The following USP32 variants were observed in gnomAD, a reference collection of about 807,000 sequenced individuals.
USP32 encodes the protein ubiquitin carboxyl-terminal hydrolase 32.
Under a neutral mutation model 204.8 loss-of-function variants are expected in USP32, and 59 were observed. The ratio of observed to expected loss-of-function variants is 0.29; its 90% CI spans 0.23 to 0.36. The LOEUF is 0.36. USP32 is among the 10% of genes least tolerant of loss of function. The pLI is 1.00. For missense variants in USP32, 1,160 were observed against 1,946.4 expected, an observed-to-expected ratio of 0.60 and a Z score of 7.60; for synonymous variants, 517 against 678.4, an observed-to-expected ratio of 0.76 and a Z score of 3.70.
intron 28 of USP32, among the ~76,000 whole-genome samples, chr17:60,192,089 G>GT (rs1213652443): frequency 6.6e-6 from 1 of 151,928 alleles, no homozygotes; most frequent in African/African-American, 2.4e-5. Flanking sequence ...GAGGTCAGGA[G>GT]TTTGAGACCA....
At chr17:60,198,628 T>C (rs574369665) in intron 26 of USP32, among the ~76,000 whole-genome samples, 184 bp from the exon 27 acceptor site, 4 of 152,334 alleles carry the variant, frequency 2.6e-5, no homozygotes, top group African/African-American at 9.6e-5. Context: ...AGTGGAGTCA[T>C]TAAAGGGGCT....
At chr17:60,227,418 T>C (rs2145593495) in intron 12 of USP32, among the ~76,000 whole-genome samples, 1 of 151,884 alleles carries the variant, frequency 6.6e-6, no homozygotes, top group South Asian at 2.1e-4. Flanking sequence ...TACAGGTGCA[T>C]GCCACCAAGC....
chr17:60,322,469 T>C (rs2145943550), intron 2 of USP32, among the ~76,000 whole-genome samples: 1 of 152,322 alleles, frequency 6.6e-6, no homozygotes, highest in East Asian at 1.9e-4. Context: ...AAAAATTTAT[T>C]TATACAAAAT....
chr17:60,350,606 T>A (rs1198091290), intron 1 of USP32, among the ~76,000 whole-genome samples: 2 of 152,136 alleles, frequency 1.3e-5, no homozygotes, highest in African/African-American at 4.8e-5. Context: ...GGTAAATTTT[T>A]TAAATAAGAA....
rs111525421 is a variant in USP32 at position 60,334,623 on chromosome 17, C to G, written c.186+10858G>C. Among the ~76,000 whole-genome samples the G allele has an allele frequency of 1.1e-3, 157 of 143,356 alleles. 26 individuals carry two copies. The highest frequency in any genetic ancestry group is 4.2e-3 in the African/African-American group (142 of 33,862). 94.0% of individuals were successfully genotyped at this position (143,356 alleles called of 152,430 possible). On this transcript the variant is annotated intron_variant, in intron 2 of 33. Coordinates refer to ENST00000300896, the MANE Select transcript of USP32 (RefSeq NM_032582.4). ...AGGAGAATGGCCTGAACCCGGGAGG[C>G]GGAGCTTGCAGTGAGCCGAGATCGC...
chr17:60,222,667 G>T, intron 14 of USP32, 118 bp from the exon 15 acceptor site: 112 of 838,230 alleles, frequency 1.3e-4, no homozygotes, highest in Middle Eastern at 8.2e-4. Context: ...CATGTTGCTG[G>T]AAAAACTTAA....
At chr17:60,185,692 G>A (rs1031114625) in intron 29 of USP32, 41 bp from the exon 30 acceptor site, 6 of 1,578,118 alleles carry the variant, frequency 3.8e-6, no homozygotes, top group African/African-American at 2.7e-5. Flanking sequence ...TGCGTGGGAA[G>A]GCATTTAAAG....
In USP32 at chr17:60,288,681, C is replaced by A; in HGVS notation, c.413G>T (p.Gly138Val). The change falls in exon 5 of 34, where the codon GGT becomes GTT. Residue 138 changes from glycine (G) to valine (V), a missense_variant and splice_region_variant. Physicochemically the swap from Gly to Val is moderately radical, Grantham distance 109. Transcript: ENST00000300896. ...PDTLRKCFSE[G>V]EKVNYEKFRN... The stretch of plus-strand genomic sequence containing the variant: ...AAACTTTTCATAGTTTACCTTTTCA[C>A]CCTAAAATTAAAACAAGAAAACATA... 1 of 1,595,886 alleles carries A rather than the reference C, an allele frequency of 6.3e-7. No homozygotes were observed. The highest frequency in any genetic ancestry group is 8.5e-7 in the Non-Finnish European group (1 of 1,174,756).
intron 1 of USP32, among the ~76,000 whole-genome samples, chr17:60,356,866 T>C (rs757468177): frequency 1.3e-5 from 2 of 152,124 alleles, no homozygotes; most frequent in Admixed American, 1.3e-4. Flanking sequence ...AACACTTTAA[T>C]GAACTATTTA....
At chr17:60,380,164 T>G in intron 1 of USP32, among the ~76,000 whole-genome samples, 1 of 152,236 alleles carries the variant, frequency 6.6e-6, no homozygotes, top group East Asian at 1.9e-4. Flanking sequence ...TAACTTCATC[T>G]TGCCTTTCCA....
At position 60,190,656 on chromosome 17, in the gene USP32, A is replaced by G. The variant is rs1435195457; in HGVS notation, c.3549T>C (p.Cys1183=). 2 of 1,603,322 alleles carry G rather than the reference A, an allele frequency of 1.2e-6. No homozygotes were observed. The highest frequency in any genetic ancestry group is 8.5e-7 in the Non-Finnish European group (1 of 1,177,156). The change falls in exon 29 of 34, where the codon TGT becomes TGC. Residue 1183 remains cysteine, a synonymous_variant. Coordinates refer to ENST00000300896, the MANE Select transcript of USP32 (RefSeq NM_032582.4). ...YRFCRGCKID[C]GEDRAFIGNA... is the part of the protein sequence containing the mutation. ...TTCCAATGAAAGCTCTGTCTTCCCC[A>G]CAATCAATTTTACAGCCTCTGCAAA... is the stretch of plus-strand genomic sequence containing the variant.
intron 1 of USP32, among the ~76,000 whole-genome samples, chr17:60,386,364 TAAA>T (rs72099332): frequency 0.088 from 11,786 of 133,980 alleles, 1,540 homozygotes; most frequent in African/African-American, 0.28. Context: ...GTTCATAAAT[TAAA>T]AAAAAAAAAA....
intron 2 of USP32, among the ~76,000 whole-genome samples, chr17:60,328,504 ATCTTCC>A (rs923559895): frequency 1.3e-5 from 2 of 152,186 alleles, no homozygotes; most frequent in African/African-American, 4.8e-5. Context: ...GCTCCTCTTC[ATCTTCC>A]TCACCCTCCA....
chr17:60,408,635 C>G (rs2089996567), intron 1 of USP32, among the ~76,000 whole-genome samples: 1 of 152,110 alleles, frequency 6.6e-6, no homozygotes, highest in Non-Finnish European at 1.5e-5. Context: ...ACCTCACCCT[C>G]CCAAAGTGCT....
At position 60,214,870 on chromosome 17, in the gene USP32, T is replaced by A. The variant is rs553650614; in HGVS notation, c.1868-96A>T. The A allele has an allele frequency of 6.2e-5, 94 of 1,509,960 alleles. No homozygotes were observed. In the Admixed American group the frequency reaches 8.7e-4, roughly 14 times the overall value. The allele number at this position is 1,509,960 out of a possible 1,614,324, so 93.5% of individuals were successfully genotyped here. On this transcript the variant is annotated intron_variant, in intron 16 of 33. Transcript: ENST00000300896. ...ACCATACTATTTTAGGAAATAATAATGAGAAATGAGAATTACAGGTGTAAT... is the reference window on the plus strand; with the variant it reads ...ACCATACTATTTTAGGAAATAATAAAGAGAAATGAGAATTACAGGTGTAAT...
intron 2 of USP32, among the ~76,000 whole-genome samples, chr17:60,326,413 C>G (rs954000117): frequency 6.6e-6 from 1 of 151,894 alleles, no homozygotes; most frequent in African/African-American, 2.4e-5. Flanking sequence ...TAGGTTCAAG[C>G]GATTCTCCTG....
At chr17:60,368,779 T>TA (rs2089370929) in intron 1 of USP32, among the ~76,000 whole-genome samples, 1 of 152,128 alleles carries the variant, frequency 6.6e-6, no homozygotes, top group Admixed American at 6.5e-5. Context: ...ATGGCAACAT[T>TA]ATTAAGTTTT....
At chr17:60,324,801 G>A (rs563039954) in intron 2 of USP32, among the ~76,000 whole-genome samples, 7 of 152,000 alleles carry the variant, frequency 4.6e-5, no homozygotes, top group Non-Finnish European at 1.0e-4. Context: ...TCGGGAGTTC[G>A]AGACCAGCCT....
At chr17:60,281,925 T>A (rs1034769089) in intron 5 of USP32, among the ~76,000 whole-genome samples, 2 of 152,216 alleles carry the variant, frequency 1.3e-5, no homozygotes, top group Non-Finnish European at 2.9e-5. Flanking sequence ...ATAATTCCAA[T>A]GCTCAATATA....
Sources: gnomAD v4.1 joint callset for allele counts (sites outside exome capture counted in the v4.1 genomes callset) on GRCh38, gnomAD v4.1.1 for gene constraint, MANE v1.5 for transcripts, NCBI Gene and HGNC (gene_info 2026-07-23, HGNC 2026-07-21) for gene names.